The following CHCHD6 variants were observed in gnomAD, a reference collection of about 807,000 sequenced individuals.
The protein encoded by CHCHD6 is MICOS complex subunit MIC25.
A neutral mutation model predicts 32.3 loss-of-function variants in CHCHD6; 28 were observed. The observed-to-expected ratio is 0.87, with a 90% CI of 0.64 to 1.19. The LOEUF (loss-of-function observed/expected upper bound fraction) is 1.19, where lower values mean the gene tolerates loss of function less well. Ranked by LOEUF, CHCHD6 falls within the 50% of genes most tolerant of loss-of-function variation. The pLI, the probability that CHCHD6 is intolerant of heterozygous loss-of-function variation, is 0.00. For synonymous variants in CHCHD6, 122 were observed against 117.5 expected (o/e 1.04, Z -0.25); for missense variants, 333 against 307.0 (o/e 1.08, Z -0.63).
intron 4 of CHCHD6, among the ~76,000 whole-genome samples, chr3:126,804,061 G>A (rs1003551240): frequency 2.0e-5 from 3 of 151,932 alleles, no homozygotes; most frequent in African/African-American, 7.3e-5. Flanking sequence ...CACATTCAAA[G>A]CAGTGTGTAG....
At position 126,759,325 on chromosome 3, in the gene CHCHD6, TAAGAAC is replaced by T. The variant is rs1937080723; in HGVS notation, c.411+26111_411+26116del. On this transcript the variant is annotated intron_variant, in intron 4 of 7. Coordinates refer to ENST00000290913, the MANE Select transcript of CHCHD6 (RefSeq NM_032343.3). ...TACCTGAATATGCATCTCATCTCCT[TAAGAAC>T]AAGAACATTCTCCTGTCTCACCACA... 2.0e-5 allele frequency among the ~76,000 whole-genome samples: 3 copies of T among 152,240 alleles called. No individual in the cohort carries two copies. The South Asian group carries it at 6.2e-4, about 31-fold the overall frequency.
At chr3:126,943,462 C>A (rs906457044) in intron 6 of CHCHD6, among the ~76,000 whole-genome samples, 1 of 152,160 alleles carries the variant, frequency 6.6e-6, no homozygotes, top group Non-Finnish European at 1.5e-5. Context: ...ACCCCAGTAG[C>A]GGGTGGCTGA....
chr3:126,714,919 T>C (rs1358283317), intron 1 of CHCHD6, among the ~76,000 whole-genome samples: 1 of 152,206 alleles, frequency 6.6e-6, no homozygotes, highest in Non-Finnish European at 1.5e-5. Context: ...GTGTGAACTT[T>C]CAATGCAAAG....
At chr3:126,894,474 A>T (rs1157281375) in intron 5 of CHCHD6, among the ~76,000 whole-genome samples, 1 of 152,236 alleles carries the variant, frequency 6.6e-6, no homozygotes, top group African/African-American at 2.4e-5. Flanking sequence ...CTATTGTGCA[A>T]GGAACAGGAT....
At chr3:126,847,805 C>T (rs1941340856) in intron 4 of CHCHD6, among the ~76,000 whole-genome samples, 1 of 152,080 alleles carries the variant, frequency 6.6e-6, no homozygotes, top group African/African-American at 2.4e-5. Context: ...TCCTTCCCCT[C>T]GCCCACCTCC....
intron 6 of CHCHD6, among the ~76,000 whole-genome samples, chr3:126,926,049 C>T (rs115323218): frequency 0.012 from 1,765 of 152,312 alleles, 15 homozygotes; most frequent in Middle Eastern, 0.048. Context: ...ACCGCGCTTG[C>T]GGTATCCCTA....
intron 1 of CHCHD6, among the ~76,000 whole-genome samples, chr3:126,704,655 C>T (rs1397885715): frequency 6.6e-6 from 1 of 152,182 alleles, no homozygotes; most frequent in Non-Finnish European, 1.5e-5. Context: ...ACACGAGGGA[C>T]GCCCTGGCCA....
chr3:126,933,695 C>T (rs111622960), intron 6 of CHCHD6, among the ~76,000 whole-genome samples: 2 of 152,302 alleles, frequency 1.3e-5, no homozygotes, highest in African/African-American at 4.8e-5. Context: ...AGACACCTCC[C>T]ACCAGACCCA....
At chr3:126,865,756 G>A (rs1434027161) in intron 5 of CHCHD6, 1 of 981,728 alleles carries the variant, frequency 1.0e-6, no homozygotes, top group Non-Finnish European at 1.2e-6. Context: ...TGCTAAAGAT[G>A]TGTTTCTTTA....
At chr3:126,723,496 G>A (rs1174883979) in intron 1 of CHCHD6, among the ~76,000 whole-genome samples, 2 of 152,116 alleles carry the variant, frequency 1.3e-5, no homozygotes, top group Non-Finnish European at 2.9e-5. Context: ...TTCAAATTCA[G>A]CAACATTTAT....
At chr3:126,909,934 G>A (rs911174083) in intron 5 of CHCHD6, among the ~76,000 whole-genome samples, 3 of 152,168 alleles carry the variant, frequency 2.0e-5, no homozygotes, top group Admixed American at 6.5e-5. Context: ...CGGCCTAGCC[G>A]GGGAGAGCTG....
chr3:126,860,261 C>G (rs1941811154), intron 5 of CHCHD6, among the ~76,000 whole-genome samples: 1 of 152,070 alleles, frequency 6.6e-6, no homozygotes, highest in South Asian at 2.1e-4. Flanking sequence ...GGGAAGAGGC[C>G]CACCTTCCAC....
chr3:126,902,621 G>A (rs2077945028), intron 5 of CHCHD6, among the ~76,000 whole-genome samples: 1 of 151,484 alleles, frequency 6.6e-6, no homozygotes, highest in Non-Finnish European at 1.5e-5. Context: ...GGAGGCTGAG[G>A]CAGCAGAATG....
At chr3:126,735,105 G>A (rs754916500) in intron 4 of CHCHD6, among the ~76,000 whole-genome samples, 1 of 152,122 alleles carries the variant, frequency 6.6e-6, no homozygotes, top group Non-Finnish European at 1.5e-5. Context: ...AACCAAGTAA[G>A]AAGGACCCCT....
intron 5 of CHCHD6, among the ~76,000 whole-genome samples, chr3:126,902,457 C>G (rs972857335): frequency 3.3e-5 from 5 of 152,126 alleles, no homozygotes; most frequent in African/African-American, 1.2e-4. Context: ...TGGCTCAAGC[C>G]TATAATCCCA....
intron 2 of CHCHD6, 86 bp downstream of exon 2, chr3:126,727,272 C>G: frequency 2.2e-6 from 2 of 896,984 alleles, no homozygotes; most frequent in Non-Finnish European, 3.5e-6. Flanking sequence ...TGATGGCGCA[C>G]AGGGCTCAGG....
At chr3:126,801,593 G>A (rs1482363822) in intron 4 of CHCHD6, among the ~76,000 whole-genome samples, 3 of 152,206 alleles carry the variant, frequency 2.0e-5, no homozygotes, top group Non-Finnish European at 2.9e-5. Flanking sequence ...CAGAGCTCAA[G>A]GAGGCCTTGC....
At chr3:126,928,879 G>A (rs1221307689) in intron 6 of CHCHD6, among the ~76,000 whole-genome samples, 1 of 152,174 alleles carries the variant, frequency 6.6e-6, no homozygotes, top group Non-Finnish European at 1.5e-5. Flanking sequence ...ACAGGTTGGG[G>A]TCATTCATGT....
Position 126,795,688 on chromosome 3 carries a change from C to T in CHCHD6, c.412-56959C>T, listed in dbSNP as rs114351625. On this transcript the variant is annotated intron_variant, in intron 4 of 7. Transcript: ENST00000290913. ...ATCTTACCATGTTGGCAAGGTAACT[C>T]GTATCCCTTGAAGGTTAAATAATGA... 5.8e-3 allele frequency among the ~76,000 whole-genome samples: 880 copies of T among 152,226 alleles called. 4 individuals carry two copies. The highest frequency in any genetic ancestry group is 0.02 in the African/African-American group (846 of 41,532).
Sources: allele counts gnomAD v4.1 joint callset (sites outside exome capture counted in the v4.1 genomes callset), GRCh38; gene constraint gnomAD v4.1.1; transcripts MANE v1.5; gene names NCBI Gene and HGNC (gene_info 2026-07-23, HGNC 2026-07-21).